GPC5: variants seen among roughly 807,000 people sequenced by gnomAD.
GPC5 encodes the protein glypican-5.
A neutral mutation model predicts 53.9 loss-of-function variants in GPC5; 47 were observed. That is an observed-to-expected ratio of 0.87 (90% CI 0.69 to 1.11). The LOEUF (loss-of-function observed/expected upper bound fraction) is 1.11, where lower values mean the gene tolerates loss of function less well. Ranked by LOEUF, GPC5 falls within the 50% of genes most tolerant of loss-of-function variation. GPC5 has a pLI of 0.00. For missense variants in GPC5, 748 were observed against 713.1 expected (o/e 1.05, Z -0.56); for synonymous variants, 286 against 263.3 (o/e 1.09, Z -0.84).
chr13:91,441,677 A>G (rs906645966), intron 1 of GPC5, among the ~76,000 whole-genome samples: 3 of 152,164 alleles, frequency 2.0e-5, no homozygotes, highest in Non-Finnish European at 4.4e-5. Flanking sequence ...GGTCTTAAGT[A>G]TTTTTTATTC....
intron 6 of GPC5, among the ~76,000 whole-genome samples, chr13:92,020,579 T>C (rs1330124184): frequency 5.3e-5 from 8 of 152,130 alleles, no homozygotes; most frequent in Non-Finnish European, 8.8e-5. Flanking sequence ...GAGCATTCTA[T>C]TCATATACCT....
chr13:92,092,398 T>C (rs1452985040), intron 6 of GPC5, among the ~76,000 whole-genome samples: 1 of 152,180 alleles, frequency 6.6e-6, no homozygotes, highest in East Asian at 1.9e-4. Context: ...ACTTATAAAA[T>C]GTATTATGTT....
At chr13:92,249,647 G>C (rs917214944) in intron 7 of GPC5, among the ~76,000 whole-genome samples, 6 of 152,032 alleles carry the variant, frequency 3.9e-5, no homozygotes, top group African/African-American at 1.2e-4. Context: ...TTAGTGGGGG[G>C]GTTGATGGCA....
At chr13:92,071,617 T>C (rs373376718) in intron 6 of GPC5, among the ~76,000 whole-genome samples, 1 of 151,972 alleles carries the variant, frequency 6.6e-6, no homozygotes, top group African/African-American at 2.4e-5. Context: ...ATTCTTCCAC[T>C]TGTGCAGCCC....
At chr13:92,861,255 A>C (rs1387804895) in intron 7 of GPC5, among the ~76,000 whole-genome samples, 1 of 152,136 alleles carries the variant, frequency 6.6e-6, no homozygotes, top group Non-Finnish European at 1.5e-5. Flanking sequence ...TTTTTGAATA[A>C]ATATGTGCAC....
At chr13:92,573,428 G>T (rs1446598452) in intron 7 of GPC5, among the ~76,000 whole-genome samples, 2 of 152,108 alleles carry the variant, frequency 1.3e-5, no homozygotes, top group Non-Finnish European at 2.9e-5. Flanking sequence ...CTACTCCAGA[G>T]ACAAGAAGCA....
At chr13:91,400,309 C>G (rs999762149) in intron 1 of GPC5, among the ~76,000 whole-genome samples, 1 of 152,092 alleles carries the variant, frequency 6.6e-6, no homozygotes, top group Non-Finnish European at 1.5e-5. Flanking sequence ...TTGCTTTGCT[C>G]AATTTTAAGT....
At chr13:92,316,699 A>T (rs1315593151) in intron 7 of GPC5, among the ~76,000 whole-genome samples, 1 of 152,170 alleles carries the variant, frequency 6.6e-6, no homozygotes, top group Non-Finnish European at 1.5e-5. Context: ...TGCATTTAAT[A>T]AAGCAACTCA....
chr13:91,606,404 G>C (rs2033368249), intron 2 of GPC5, among the ~76,000 whole-genome samples: 1 of 150,850 alleles, frequency 6.6e-6, no homozygotes. Context: ...AAGGATATTG[G>C]TCTAAAATTC....
chr13:92,145,923 T>C (rs960470120), intron 7 of GPC5, among the ~76,000 whole-genome samples: 9 of 152,162 alleles, frequency 5.9e-5, no homozygotes, highest in African/African-American at 2.2e-4. Flanking sequence ...AATTCTCTCA[T>C]TGTGAATTAA....
intron 7 of GPC5, among the ~76,000 whole-genome samples, chr13:92,383,376 A>G (rs2139311020): frequency 6.6e-6 from 1 of 152,324 alleles, no homozygotes; most frequent in Non-Finnish European, 1.5e-5. Context: ...AATTAACAGG[A>G]AAGAGGACCT....
chr13:92,017,884 C>T (rs1389261068), intron 6 of GPC5, among the ~76,000 whole-genome samples: 3 of 152,048 alleles, frequency 2.0e-5, no homozygotes, highest in Middle Eastern at 3.4e-3. Flanking sequence ...AGTACCTACA[C>T]TTCCACAAAA....
At chr13:91,960,818 C>T (rs768351076) in intron 6 of GPC5, among the ~76,000 whole-genome samples, 1 of 151,602 alleles carries the variant, frequency 6.6e-6, no homozygotes, top group Non-Finnish European at 1.5e-5. Context: ...GAAAAGACAC[C>T]CTCTTCAAAA....
intron 2 of GPC5, among the ~76,000 whole-genome samples, chr13:91,514,925 A>G (rs1056140567): frequency 2.8e-4 from 43 of 152,220 alleles, no homozygotes; most frequent in African/African-American, 1.0e-3. Flanking sequence ...GAACTAAAGA[A>G]TACTTTATAT....
chr13:91,439,130 A>G (rs1263058042), intron 1 of GPC5, among the ~76,000 whole-genome samples: 6 of 152,148 alleles, frequency 3.9e-5, no homozygotes, highest in South Asian at 4.1e-4. Context: ...CTCTGTTCCA[A>G]TTCATATTGG....
At chr13:92,651,046 C>A (rs1227420648) in intron 7 of GPC5, among the ~76,000 whole-genome samples, 1 of 151,956 alleles carries the variant, frequency 6.6e-6, no homozygotes, top group Non-Finnish European at 1.5e-5. Flanking sequence ...ATGATGGCTT[C>A]CAGCTTCATC....
intron 6 of GPC5, among the ~76,000 whole-genome samples, chr13:91,959,093 C>CAA (rs1168776265): frequency 7.0e-6 from 1 of 142,970 alleles, no homozygotes; most frequent in East Asian, 2.0e-4. Context: ...CACACACACA[C>CAA]ACACACACAT....
intron 2 of GPC5, among the ~76,000 whole-genome samples, chr13:91,633,195 C>A (rs190554651): frequency 1.3e-5 from 2 of 152,142 alleles, no homozygotes; most frequent in Non-Finnish European, 2.9e-5. Context: ...TTCAGTGTTG[C>A]AAATGCTAAG....
intron 7 of GPC5, among the ~76,000 whole-genome samples, chr13:92,227,524 A>G (rs935842492): frequency 6.6e-6 from 1 of 152,150 alleles, no homozygotes; most frequent in Non-Finnish European, 1.5e-5. Flanking sequence ...TTAAATGTAA[A>G]CAGAGCCAAA....
Sources: allele counts gnomAD v4.1 joint callset (sites outside exome capture counted in the v4.1 genomes callset), GRCh38; gene constraint gnomAD v4.1.1; transcripts MANE v1.5; gene names NCBI Gene and HGNC (gene_info 2026-07-23, HGNC 2026-07-21).